Variants in DCT observed in about 807,000 individuals in gnomAD.
DCT encodes L-dopachrome tautomerase.
In DCT, 47 loss-of-function variants were observed where a neutral mutation model predicts 53.0. That is an observed-to-expected ratio of 0.89 (90% CI 0.70 to 1.13). DCT has a LOEUF of 1.13. Ranked by LOEUF, DCT falls within the 50% of genes most tolerant of loss-of-function variation. DCT has a pLI of 0.00. For synonymous variants in DCT, 244 were observed against 237.0 expected, an observed-to-expected ratio of 1.03 and a Z score of -0.27; for missense variants, 669 against 637.4, an observed-to-expected ratio of 1.05 and a Z score of -0.53.
At position 94,453,654 on chromosome 13, in the gene DCT, A is replaced by T. The variant is rs1279094308; in HGVS notation, c.1179+6437T>A. Among the ~76,000 whole-genome samples the T allele has an allele frequency of 5.9e-5, 9 of 152,260 alleles. 1 individual carries two copies. The highest frequency in any genetic ancestry group is 1.9e-4 in the East Asian group (1 of 5,180). ...TTCCCACATGTTGTGGAAGGGATGT[A>T]ATTGAATCATGGGGGTGGGTCTTTC... On this transcript the variant is annotated intron_variant, in intron 6 of 7. Transcript: ENST00000377028.
In DCT at chr13:94,460,241, T is replaced by C. The variant is rs749982876; in HGVS notation, c.1044-15A>G. 4.3e-6 allele frequency: 7 copies of C among 1,611,126 alleles called. No homozygotes were observed. The highest frequency in any genetic ancestry group is 5.1e-6 in the Non-Finnish European group (6 of 1,178,038). On this transcript the variant is annotated splice_polypyrimidine_tract_variant and intron_variant, in intron 5 of 7. Transcript: ENST00000377028. ...CCAAAGCATTCCTAGGAGAAACAAG[T>C]ATATCAGTGACAACAGACAAAGACT...
intron 6 of DCT, among the ~76,000 whole-genome samples, chr13:94,457,367 C>T (rs770001255): frequency 1.9e-4 from 29 of 152,104 alleles, no homozygotes; most frequent in Non-Finnish European, 2.8e-4. Context: ...AGAGTTTATT[C>T]TCTCTCTCCC....
the DCT span, among the ~76,000 whole-genome samples, chr13:94,527,044 C>T: frequency 2.8e-3 from 429 of 152,244 alleles, no homozygotes; most frequent in Non-Finnish European, 4.8e-3. Flanking sequence ...GAGATTGACC[C>T]GCAACACTGC....
the DCT span, among the ~76,000 whole-genome samples, chr13:94,501,244 G>T: frequency 6.6e-6 from 1 of 152,040 alleles, no homozygotes. Flanking sequence ...ACTCCAGCCT[G>T]GGTGACAGAG....
At chr13:94,524,911 C>T in the DCT span, among the ~76,000 whole-genome samples, 35 of 152,104 alleles carry the variant, frequency 2.3e-4, no homozygotes, top group African/African-American at 7.7e-4. Flanking sequence ...AATTTGGATA[C>T]GTATATGAAC....
chr13:94,480,670 C>T (rs1176999092), upstream of DCT, among the ~76,000 whole-genome samples: 3 of 152,180 alleles, frequency 2.0e-5, no homozygotes, highest in Non-Finnish European at 1.5e-5. Context: ...TCTGACTCTA[C>T]ACCAATATCA....
chr13:94,536,548 C>A, the DCT span, among the ~76,000 whole-genome samples: 8 of 152,132 alleles, frequency 5.3e-5, no homozygotes, highest in Non-Finnish European at 1.0e-4. Flanking sequence ...TATGAGTTTT[C>A]ACATGAGAGC....
chr13:94,536,076 T>G, the DCT span, among the ~76,000 whole-genome samples: 21 of 152,216 alleles, frequency 1.4e-4, no homozygotes, highest in African/African-American at 4.8e-4. Flanking sequence ...CAGAAGCCAG[T>G]AAATGACAAA....
Position 94,439,905 on chromosome 13 carries a change from T to G in DCT, c.1553A>C (p.Glu518Ala), listed in dbSNP as rs748569533. 1.8e-5 allele frequency: 29 copies of G among 1,613,160 alleles called. No homozygotes were observed. The highest frequency in any genetic ancestry group is 3.3e-4 in the Middle Eastern group (2 of 6,070). Reference protein sequence around the residue: ...THLSSKRYTEEA With the variant: ...THLSSKRYTEAA The stretch of plus-strand genomic sequence containing the variant: ...AGGTAAGGCATGAGCACCCTAGGCT[T>G]CTTCTGTGTATCTCTTGCTGCTTAA... The change falls in exon 8 of 8, where the codon GAA becomes GCA. Residue 518 changes from glutamate to alanine, a missense_variant. Physicochemically the swap from Glu to Ala is moderately radical, Grantham distance 107. Transcript: ENST00000377028.
At chr13:94,468,452 C>T (rs55943196) in intron 2 of DCT, 16,052 of 286,308 alleles carry the variant, frequency 0.056, 590 homozygotes, top group Non-Finnish European at 0.077. Context: ...TTCGCCTCCA[C>T]CTCACCAACT....
At chr13:94,443,409 C>A in intron 7 of DCT, 27 bp downstream of exon 7, 1 of 1,531,136 alleles carries the variant, frequency 6.5e-7, no homozygotes, top group Non-Finnish European at 9.1e-7. Context: ...ATGAATGAAT[C>A]ACCCATTTGG....
intron 4 of DCT, among the ~76,000 whole-genome samples, chr13:94,464,140 G>A (rs1213821585): frequency 2.6e-5 from 4 of 152,232 alleles, no homozygotes; most frequent in East Asian, 3.9e-4. Flanking sequence ...GTCCCTGCTC[G>A]TGGAGCACTG....
intron 6 of DCT, among the ~76,000 whole-genome samples, chr13:94,446,533 T>C (rs1366518876): frequency 6.6e-6 from 1 of 152,214 alleles, no homozygotes; most frequent in Non-Finnish European, 1.5e-5. Context: ...AAATGACATA[T>C]TGAATCCTCA....
the DCT span, among the ~76,000 whole-genome samples, chr13:94,488,005 T>C: frequency 2.6e-5 from 4 of 152,192 alleles, no homozygotes; most frequent in African/African-American, 9.7e-5. Flanking sequence ...CATCCTTAAG[T>C]CTGTGTTTAT....
the DCT span, among the ~76,000 whole-genome samples, chr13:94,527,677 G>C: frequency 6.6e-6 from 1 of 152,110 alleles, no homozygotes; most frequent in Non-Finnish European, 1.5e-5. Context: ...ACAAAGATGG[G>C]GAGAAACCAG....
the DCT span, among the ~76,000 whole-genome samples, chr13:94,542,352 C>A: frequency 6.6e-6 from 1 of 152,140 alleles, no homozygotes; most frequent in African/African-American, 2.4e-5. Flanking sequence ...CCATGACCAG[C>A]TAATTTTTGT....
chr13:94,455,185 C>G (rs1245344193), intron 6 of DCT, among the ~76,000 whole-genome samples: 1 of 151,946 alleles, frequency 6.6e-6, no homozygotes, highest in Non-Finnish European at 1.5e-5. Flanking sequence ...CTGAGACCAG[C>G]CTAGGCAACA....
At chr13:94,495,984 C>T in the DCT span, among the ~76,000 whole-genome samples, 11 of 152,124 alleles carry the variant, frequency 7.2e-5, no homozygotes, top group African/African-American at 1.7e-4. Context: ...AGGAACAACG[C>T]GCCTCTGATC....
Position 94,443,165 on chromosome 13 carries a change from G to A in DCT, c.1381+271C>T, listed in dbSNP as rs1882466403. ...CTCAGAGAGAATTGTCAAGTCAGGT[G>A]TAAAAGCAGATAGTTCATTTAATAA... On this transcript the variant is annotated intron_variant, in intron 7 of 7. Transcript: ENST00000377028. Among the ~76,000 whole-genome samples the A allele has an allele frequency of 2.6e-5, 4 of 152,192 alleles. No homozygotes were observed. The South Asian group carries it at 6.2e-4, about 24-fold the overall frequency.
Sources: allele counts gnomAD v4.1 joint callset (sites outside exome capture counted in the v4.1 genomes callset), GRCh38; gene constraint gnomAD v4.1.1; transcripts MANE v1.5; gene names NCBI Gene and HGNC (gene_info 2026-07-23, HGNC 2026-07-21).